The following EIPR1 variants were observed in gnomAD, a reference collection of about 807,000 sequenced individuals.
EIPR1 encodes EARP and GARP complex-interacting protein 1.
Under a neutral mutation model 48.1 loss-of-function variants are expected in EIPR1, and 25 were observed. That is an observed-to-expected ratio of 0.52 (90% CI 0.38 to 0.73). EIPR1 has a LOEUF of 0.73. EIPR1 is among the 30% of genes least tolerant of loss of function. EIPR1 has a pLI of 0.00. For missense variants in EIPR1, 415 were observed against 506.2 expected, an observed-to-expected ratio of 0.82 and a Z score of 1.73; for synonymous variants, 204 against 201.9, an observed-to-expected ratio of 1.01 and a Z score of -0.09.
intron 4 of EIPR1, among the ~76,000 whole-genome samples, chr2:3,218,053 C>CCGTG (rs1665699977): frequency 6.6e-6 from 1 of 151,720 alleles, no homozygotes; most frequent in Non-Finnish European, 1.5e-5. Flanking sequence ...AGAGCATTCA[C>CCGTG]AGTGAGTCAG....
intron 3 of EIPR1, among the ~76,000 whole-genome samples, chr2:3,303,694 C>T (rs1446293719): frequency 1.3e-5 from 2 of 152,236 alleles, no homozygotes; most frequent in African/African-American, 4.8e-5. Flanking sequence ...CGCCAGACGC[C>T]GGCAACCTGA....
chr2:3,202,835 T>C (rs1276816349), intron 5 of EIPR1, among the ~76,000 whole-genome samples: 2 of 152,236 alleles, frequency 1.3e-5, no homozygotes, highest in Non-Finnish European at 2.9e-5. Flanking sequence ...AGGACTCGTC[T>C]AGATTTTTGA....
At chr2:3,233,209 C>T (rs1056405177) in intron 4 of EIPR1, among the ~76,000 whole-genome samples, 7 of 148,374 alleles carry the variant, frequency 4.7e-5, no homozygotes, top group African/African-American at 7.4e-5. Flanking sequence ...CTGCAACTTG[C>T]TTTTTTTTTT....
At chr2:3,322,662 G>A (rs994421879) in intron 3 of EIPR1, among the ~76,000 whole-genome samples, 55 of 152,272 alleles carry the variant, frequency 3.6e-4, no homozygotes, top group South Asian at 4.1e-4. Flanking sequence ...AGAGTCCCTC[G>A]CACACACATC....
intron 3 of EIPR1, among the ~76,000 whole-genome samples, chr2:3,297,726 A>G (rs1235140949): frequency 1.3e-5 from 2 of 152,232 alleles, no homozygotes; most frequent in Admixed American, 1.3e-4. Context: ...GTGCCAATAA[A>G]ACTTTATTCA....
intron 4 of EIPR1, among the ~76,000 whole-genome samples, chr2:3,231,955 A>G (rs1432510519): frequency 6.6e-6 from 1 of 152,234 alleles, no homozygotes; most frequent in Non-Finnish European, 1.5e-5. Context: ...CAGTGAAGTC[A>G]TCAGGTCCTG....
chr2:3,338,027 G>A lies in EIPR1; in HGVS notation c.249C>T (p.Cys83=). The A allele has an allele frequency of 6.3e-7, 1 of 1,597,426 alleles. No individual in the cohort carries two copies. The highest frequency in any genetic ancestry group is 1.4e-5 in the African/African-American group (1 of 73,960). Residue 83 remains cysteine (C), a synonymous_variant, in exon 3 of 9, where the codon TGC becomes TGT. Coordinates refer to ENST00000382125, the MANE Select transcript of EIPR1 (RefSeq NM_003310.5). ...SPADRGVLTT[C]YNRTSDSKVL... ...AAAAGCCGCACTTACTTCTGTTGTA[G>A]CAGGTCGTCAGCACACCTCTGTCTG...
intron 3 of EIPR1, among the ~76,000 whole-genome samples, chr2:3,310,652 C>T (rs1441651582): frequency 4.9e-4 from 27 of 55,228 alleles, no homozygotes; most frequent in East Asian, 3.2e-3. Context: ...GACTCCGTCT[C>T]AAAAAAAAAA....
chr2:3,367,216 C>T (rs1423570218), intron 1 of EIPR1, among the ~76,000 whole-genome samples: 4 of 152,118 alleles, frequency 2.6e-5, no homozygotes, highest in Middle Eastern at 3.4e-3. Flanking sequence ...GGTAAATCCA[C>T]GAGGGCTGGG....
intron 4 of EIPR1, among the ~76,000 whole-genome samples, chr2:3,225,535 C>T (rs1482840146): frequency 6.6e-6 from 1 of 152,200 alleles, no homozygotes; most frequent in Non-Finnish European, 1.5e-5. Context: ...CATGCGCCAC[C>T]ACGCCTGGCC....
chr2:3,228,407 C>A (rs1666132191), intron 4 of EIPR1, among the ~76,000 whole-genome samples: 1 of 152,198 alleles, frequency 6.6e-6, no homozygotes, highest in African/African-American at 2.4e-5. Context: ...AATGCCTGTA[C>A]CACCATTATA....
At chr2:3,268,499 C>T (rs1337731768) in intron 3 of EIPR1, among the ~76,000 whole-genome samples, 1 of 152,198 alleles carries the variant, frequency 6.6e-6, no homozygotes, top group Non-Finnish European at 1.5e-5. Context: ...CTTGCTCAGT[C>T]CTGGTGACCT....
At chr2:3,239,340 C>T (rs1666518693) in intron 4 of EIPR1, among the ~76,000 whole-genome samples, 2 of 152,344 alleles carry the variant, frequency 1.3e-5, no homozygotes. Flanking sequence ...TAAAAGCCGC[C>T]TTCACACAGG....
chr2:3,295,397 T>TCC (rs1668529796), intron 3 of EIPR1, among the ~76,000 whole-genome samples: 3 of 88,102 alleles, frequency 3.4e-5, no homozygotes, highest in African/African-American at 4.6e-5. Context: ...CTATCCTCTC[T>TCC]ACACACACAC....
chr2:3,318,024 G>A (rs1485293190), intron 3 of EIPR1, among the ~76,000 whole-genome samples: 1 of 152,354 alleles, frequency 6.6e-6, no homozygotes, highest in Non-Finnish European at 1.5e-5. Flanking sequence ...ACAGCACTTC[G>A]GACGGGGCAT....
chr2:3,254,899 C>G (rs1667106763), intron 4 of EIPR1, among the ~76,000 whole-genome samples: 1 of 152,178 alleles, frequency 6.6e-6, no homozygotes, highest in Non-Finnish European at 1.5e-5. Context: ...GTATCAATGC[C>G]AGTTTCCTGT....
chr2:3,359,744 T>C (rs1670809809), intron 1 of EIPR1, among the ~76,000 whole-genome samples: 2 of 152,202 alleles, frequency 1.3e-5, no homozygotes, highest in South Asian at 2.1e-4. Flanking sequence ...AGAATGATCG[T>C]TTTACAGGTG....
chr2:3,313,162 T>A (rs1669179292), intron 3 of EIPR1, among the ~76,000 whole-genome samples: 1 of 152,154 alleles, frequency 6.6e-6, no homozygotes, highest in Non-Finnish European at 1.5e-5. Flanking sequence ...CTGCACTTCT[T>A]CCCACTGGGG....
At chr2:3,209,136 C>T (rs1380157774) in intron 5 of EIPR1, among the ~76,000 whole-genome samples, 1 of 152,222 alleles carries the variant, frequency 6.6e-6, no homozygotes, top group Non-Finnish European at 1.5e-5. Context: ...GCACATACAA[C>T]AGAGGGTGAT....
Sources: allele counts gnomAD v4.1 joint callset (sites outside exome capture counted in the v4.1 genomes callset), GRCh38; gene constraint gnomAD v4.1.1; transcripts MANE v1.5; gene names NCBI Gene and HGNC (gene_info 2026-07-23, HGNC 2026-07-21).